MVB12A: variants seen among roughly 807,000 people sequenced by gnomAD.
MVB12A encodes CIN85/CD2AP family binding protein.
A neutral mutation model predicts 34.3 loss-of-function variants in MVB12A; 30 were observed. That is an observed-to-expected ratio of 0.88 (90% CI 0.65 to 1.19). MVB12A has a LOEUF of 1.19. Ranked by LOEUF, MVB12A falls within the 50% of genes most tolerant of loss-of-function variation. MVB12A has a pLI of 0.00. For synonymous variants in MVB12A, 158 were observed against 158.9 expected, an observed-to-expected ratio of 0.99 and a Z score of 0.04; for missense variants, 355 against 369.2, an observed-to-expected ratio of 0.96 and a Z score of 0.31.
chr19:17,424,363 CTT>C, intron 7 of MVB12A, among the ~76,000 whole-genome samples: 1 of 152,160 alleles, frequency 6.6e-6, no homozygotes, highest in South Asian at 2.1e-4. Context: ...AGGTGGATCA[CTT>C]GAGGCCAGGA....
chr19:17,420,119 G>C lies in MVB12A; in HGVS notation c.-17G>C. The C allele has an allele frequency of 7.6e-7, 1 of 1,320,032 alleles. No homozygotes were observed. The highest frequency in any genetic ancestry group is 9.6e-7 in the Non-Finnish European group (1 of 1,040,286). The allele number at this position is 1,320,032 out of a possible 1,614,324, so 81.8% of individuals were successfully genotyped here. A position where few individuals can be genotyped will look rare whatever the true frequency, so the allele number is the denominator to read the frequency against. On this transcript the variant is annotated 5_prime_UTR_variant, in exon 1 of 9. Coordinates refer to ENST00000317040, the MANE Select transcript of MVB12A (RefSeq NM_138401.4). ...GGCTGTGCCCCGCGACCCCGCCTTC[G>C]GCGCTCGGCTCGCAGGATGGATCCC...
Position 17,420,049 on chromosome 19 carries a change from A to C in MVB12A, c.-87A>C. The C allele has an allele frequency of 2.9e-6, 1 of 339,566 alleles. No homozygotes were observed. The highest frequency in any genetic ancestry group is 4.4e-6 in the Non-Finnish European group (1 of 227,462). 21.0% of individuals were successfully genotyped at this position (339,566 alleles called of 1,614,324 possible). A position where few individuals can be genotyped will look rare whatever the true frequency, so the allele number is the denominator to read the frequency against. On this transcript the variant is annotated 5_prime_UTR_variant, in exon 1 of 9. Coordinates refer to ENST00000317040, the MANE Select transcript of MVB12A (RefSeq NM_138401.4). ...CCCCGCATGGCCTTCTGGGAGTTGT[A>C]GTTCGGTCGCGAGCGCTGCCGTCGG...
At chr19:17,407,890 G>A (rs1307667635) in intron 2 of MVB12A, among the ~76,000 whole-genome samples, 3 of 152,202 alleles carry the variant, frequency 2.0e-5, no homozygotes, top group East Asian at 1.9e-4. Context: ...ACCACTGTCC[G>A]CTCGGGCAAC....
intron 2 of MVB12A, among the ~76,000 whole-genome samples, chr19:17,409,904 A>T (rs1173151531): frequency 6.6e-6 from 1 of 150,842 alleles, no homozygotes; most frequent in Non-Finnish European, 1.5e-5. Flanking sequence ...GATTACAGGT[A>T]CCCGCCACCA....
At chr19:17,419,888 C>T (rs938230184), upstream of MVB12A, 2 of 369,816 alleles carry the variant, frequency 5.4e-6, no homozygotes, top group African/African-American at 4.3e-5. Flanking sequence ...GCCGGCAAGA[C>T]CTTTTTTTCC....
intron 7 of MVB12A, 28 bp downstream of exon 7, chr19:17,424,095 T>C (rs1194918800): frequency 6.2e-7 from 1 of 1,607,504 alleles, no homozygotes; most frequent in East Asian, 2.2e-5. Flanking sequence ...GGAGCCTGGG[T>C]CTGCGCCTGC....
At chr19:17,417,834 C>A, upstream of MVB12A, 1 of 321,268 alleles carries the variant, frequency 3.1e-6, no homozygotes. Flanking sequence ...TCTTCCAACT[C>A]TCAGAATATT....
chr19:17,416,488 T>C (rs1035909144), upstream of MVB12A, among the ~76,000 whole-genome samples: 1 of 146,652 alleles, frequency 6.8e-6, no homozygotes, highest in Admixed American at 6.9e-5. Flanking sequence ...CCATTTCTGC[T>C]CACTGAAACC....
chr19:17,411,522 A>AT (rs1599600799), intron 2 of MVB12A, among the ~76,000 whole-genome samples: 2 of 151,086 alleles, frequency 1.3e-5, no homozygotes. Flanking sequence ...CACCTGGCTA[A>AT]TTTTTTTACT....
upstream of MVB12A, chr19:17,419,249 G>C (rs1240415069): frequency 6.6e-6 from 1 of 152,116 alleles, no homozygotes; most frequent in Non-Finnish European, 1.5e-5. Context: ...ACTGTTGAGG[G>C]AGAAGGGGCA....
At chr19:17,421,474 G>A (rs975287233) in intron 3 of MVB12A, among the ~76,000 whole-genome samples, 2 of 151,876 alleles carry the variant, frequency 1.3e-5, no homozygotes, top group African/African-American at 4.8e-5. Context: ...GTGAGCCACC[G>A]CACCCGGCCA....
intron 8 of MVB12A, 64 bp downstream of exon 8, chr19:17,424,741 ACCCGCCCCTCG>A: frequency 6.6e-7 from 1 of 1,522,986 alleles, no homozygotes; most frequent in Non-Finnish European, 8.9e-7. Context: ...AGGGGCCGGC[ACCCGCCCCTCG>A]TCCGCCCCAG....
intron 2 of MVB12A, among the ~76,000 whole-genome samples, chr19:17,411,440 T>G (rs899372440): frequency 2.0e-5 from 3 of 151,794 alleles, no homozygotes; most frequent in African/African-American, 7.3e-5. Flanking sequence ...CTGCAGCCTT[T>G]GACCTCCTGG....
At chr19:17,417,639 AAAAT>A (rs1415520111), upstream of MVB12A, 3 of 151,372 alleles carry the variant, frequency 2.0e-5, no homozygotes, top group Non-Finnish European at 4.4e-5. Flanking sequence ...TAAATTTTAA[AAAAT>A]AAAATAAATA....
At chr19:17,409,308 T>C (rs1239191098) in intron 2 of MVB12A, among the ~76,000 whole-genome samples, 1 of 151,210 alleles carries the variant, frequency 6.6e-6, no homozygotes, top group Admixed American at 6.6e-5. Context: ...TTTTTGTATT[T>C]TTAGGAGAGA....
chr19:17,411,848 C>T (rs1207151786), intron 2 of MVB12A, among the ~76,000 whole-genome samples: 1 of 152,146 alleles, frequency 6.6e-6, no homozygotes, highest in African/African-American at 2.4e-5. Context: ...TCAGCTGTTT[C>T]ATTTCTGTTT....
rs1435441705 is a variant in MVB12A at position 17,422,334 on chromosome 19, G to T, written c.289G>T (p.Ala97Ser). Reference protein sequence around the residue: ...SPVCDPMDSKASVSKKKRMCV... With the variant: ...SPVCDPMDSKSSVSKKKRMCV... The stretch of plus-strand genomic sequence containing the variant: ...ACTCCCCTACCCCCCACTCCCAGAG[G>T]CCTCTGTGTCCAAGAAGAAACGCAT... Residue 97 changes from alanine (A) to serine (S), a missense_variant and splice_region_variant, in exon 4 of 9, where the codon GCC becomes TCC. Ala to Ser is a moderately conservative substitution (Grantham distance 99, BLOSUM62 1). Coordinates refer to ENST00000317040, the MANE Select transcript of MVB12A (RefSeq NM_138401.4). The T allele has an allele frequency of 6.2e-7, 1 of 1,610,932 alleles. No homozygotes were observed. Among genetic ancestry groups the T allele is most frequent in the Non-Finnish European group, 8.5e-7 (1 of 1,178,182 alleles).
chr19:17,410,565 T>TACACAC (rs1372164849), intron 2 of MVB12A, among the ~76,000 whole-genome samples: 10 of 121,632 alleles, frequency 8.2e-5, no homozygotes, highest in African/African-American at 2.5e-4. Context: ...CACATATATA[T>TACACAC]ACATATATAT....
Position 17,420,210 on chromosome 19 carries a change from G to C in MVB12A, c.75G>C (p.Pro25=). 6.8e-7 allele frequency: 1 copy of C among 1,473,918 alleles called. No homozygotes were observed. Among genetic ancestry groups the C allele is most frequent in the Non-Finnish European group, 8.9e-7 (1 of 1,119,332 alleles). 91.3% of individuals were successfully genotyped at this position (1,473,918 alleles called of 1,614,324 possible). ...GGTCGTCGGCCTCTGCACCCCCGCC[G>C]CGGGGGTTCAGCGCGGTGAGCGGCG... ...LAWSSASAPP[P]RGFSAISCTV... is the part of the protein sequence containing the mutation. The change falls in exon 1 of 9, where the codon CCG becomes CCC. Residue 25 remains proline, a synonymous_variant. Coordinates refer to ENST00000317040, the MANE Select transcript of MVB12A (RefSeq NM_138401.4).
Sources: gnomAD v4.1 joint callset for allele counts (sites outside exome capture counted in the v4.1 genomes callset) on GRCh38, gnomAD v4.1.1 for gene constraint, MANE v1.5 for transcripts, NCBI Gene and HGNC (gene_info 2026-07-23, HGNC 2026-07-21) for gene names.